GGA2: variants seen among roughly 807,000 people sequenced by gnomAD.
The protein encoded by GGA2 is ADP-ribosylation factor-binding protein GGA2.
A neutral mutation model predicts 79.5 loss-of-function variants in GGA2; 48 were observed. That is an observed-to-expected ratio of 0.60 (90% CI 0.48 to 0.77). The LOEUF (loss-of-function observed/expected upper bound fraction) is 0.77. Among genes scored for constraint, GGA2 ranks in the 30% least tolerant of loss-of-function variants. The pLI, the probability that GGA2 is intolerant of heterozygous loss-of-function variation, is 0.00. For synonymous variants in GGA2, 317 were observed against 302.0 expected, an observed-to-expected ratio of 1.05 and a Z score of -0.51; for missense variants, 770 against 774.0, an observed-to-expected ratio of 0.99 and a Z score of 0.06.
In GGA2 at chr16:23,465,669, G is replaced by A. The variant is rs1596971296; in HGVS notation, c.*1921C>T. On this transcript the variant is annotated 3_prime_UTR_variant, in exon 17 of 17. Transcript: ENST00000309859. ...TAAAAGCTACACAGAGGCCGGGTGC[G>A]GTGGCTCACGCCTGTAATCCCAGCA... is the stretch of plus-strand genomic sequence containing the variant. The A allele has an allele frequency of 4.6e-6, 2 of 437,934 alleles. No homozygotes were observed. The highest frequency in any genetic ancestry group is 3.9e-5 in the Admixed American group (1 of 25,470). 27.1% of individuals were successfully genotyped at this position (437,934 alleles called of 1,614,324 possible).
chr16:23,478,926 T>C lies in GGA2; in HGVS notation c.1130-15A>G. On this transcript the variant is annotated splice_polypyrimidine_tract_variant and intron_variant, in intron 11 of 16. Transcript: ENST00000309859. ...ATCACTGATTCCTGTAAGAAAGGAG[T>C]AGAGTGAGATGCCTAACAGTAACTC... 1 of 1,579,042 alleles carries C rather than the reference T, an allele frequency of 6.3e-7. No individual in the cohort carries two copies. The highest frequency in any genetic ancestry group is 1.7e-5 in the Admixed American group (1 of 59,954).
intron 1 of GGA2, among the ~76,000 whole-genome samples, chr16:23,509,760 G>GCA (rs369898885): frequency 1.6e-4 from 23 of 145,918 alleles, no homozygotes; most frequent in African/African-American, 2.8e-4. Context: ...ATATATATAC[G>GCA]CACACACACA....
chr16:23,491,305 T>TTA (rs1964782506), intron 5 of GGA2, among the ~76,000 whole-genome samples: 1 of 37,098 alleles, frequency 2.7e-5, no homozygotes, highest in Non-Finnish European at 6.6e-5. Flanking sequence ...ACACCTTGTC[T>TTA]CAAAAAAAAA....
chr16:23,485,339 G>A (rs747780261), intron 8 of GGA2, among the ~76,000 whole-genome samples: 2 of 152,146 alleles, frequency 1.3e-5, no homozygotes, highest in Non-Finnish European at 2.9e-5. Flanking sequence ...TTTATGGTAT[G>A]TTAATTATCT....
chr16:23,491,950 G>A (rs557384584), intron 4 of GGA2, 150 bp from the exon 5 acceptor site: 154 of 554,018 alleles, frequency 2.8e-4, no homozygotes, highest in Non-Finnish European at 2.2e-4. Context: ...ACCATCTGGC[G>A]CCCAGCCCCG....
chr16:23,470,238 G>C, intron 14 of GGA2, 73 bp from the exon 15 acceptor site: 2 of 1,170,044 alleles, frequency 1.7e-6, no homozygotes, highest in South Asian at 3.3e-5. Flanking sequence ...GGAAAGAGAT[G>C]TACATGTTAT....
At chr16:23,508,604 C>T (rs1478749539) in intron 1 of GGA2, among the ~76,000 whole-genome samples, 1 of 152,160 alleles carries the variant, frequency 6.6e-6, no homozygotes, top group Non-Finnish European at 1.5e-5. Context: ...CCTGTTTCTG[C>T]TCAGCCTTCA....
intron 1 of GGA2, among the ~76,000 whole-genome samples, chr16:23,508,504 C>T (rs1965000449): frequency 6.6e-6 from 1 of 152,142 alleles, no homozygotes; most frequent in Admixed American, 6.6e-5. Flanking sequence ...CTTCTCCTTC[C>T]TCATTCTCCT....
intron 1 of GGA2, among the ~76,000 whole-genome samples, chr16:23,507,608 A>G (rs1647453379): frequency 6.6e-6 from 1 of 151,638 alleles, no homozygotes; most frequent in Non-Finnish European, 1.5e-5. Flanking sequence ...AGCCTGGACA[A>G]GAATGAAACT....
intron 16 of GGA2, 57 bp from the exon 17 acceptor site, chr16:23,467,757 G>A (rs1182254236): frequency 1.2e-6 from 1 of 844,784 alleles, no homozygotes; most frequent in Admixed American, 1.7e-5. Context: ...AGGAACAGGG[G>A]TCAATGTTAA....
chr16:23,486,760 G>A lies in GGA2; in HGVS notation c.610C>T (p.Pro204Ser). Residue 204 changes from proline to serine, a missense_variant, in exon 7 of 17, where the codon CCC becomes TCC. Transcript: ENST00000309859. ...CGGTTTGCAGCCTGAAGGTCCTCGG[G>A]GTGGTTGCTCTTTAGAAGCCTTGTC... is the stretch of plus-strand genomic sequence containing the variant. ...LLTRLLKSNHPEDLQAANRLI... is the reference protein window; with the variant it reads ...LLTRLLKSNHSEDLQAANRLI... The A allele has an allele frequency of 6.2e-7, 1 of 1,612,190 alleles. No individual in the cohort carries two copies. The highest frequency in any genetic ancestry group is 8.5e-7 in the Non-Finnish European group (1 of 1,178,218).
chr16:23,485,715 G>C (rs1257551804), intron 8 of GGA2, among the ~76,000 whole-genome samples: 2 of 152,180 alleles, frequency 1.3e-5, no homozygotes, highest in Non-Finnish European at 2.9e-5. Context: ...AACGTGAATG[G>C]ATCTCGAGTG....
Position 23,465,624 on chromosome 16 carries a change from C to A in GGA2, c.*1966G>T. 1.7e-6 allele frequency: 1 copy of A among 572,918 alleles called. No homozygotes were observed. The highest frequency in any genetic ancestry group is 3.1e-6 in the Non-Finnish European group (1 of 321,326). 35.5% of individuals were successfully genotyped at this position (572,918 alleles called of 1,614,324 possible). ...TATGATGGGTACCTCTTCAAGACTACGCAACAGTAACAGAGCCTATAAAAG... is the reference window on the plus strand; with the variant it reads ...TATGATGGGTACCTCTTCAAGACTAAGCAACAGTAACAGAGCCTATAAAAG... On this transcript the variant is annotated 3_prime_UTR_variant, in exon 17 of 17. Transcript: ENST00000309859.
rs531344118 is a variant in GGA2 at position 23,484,992 on chromosome 16, A to G, written c.798+1023T>C. Among the ~76,000 whole-genome samples the G allele has an allele frequency of 2.0e-5, 3 of 152,370 alleles. No homozygotes were observed. In the South Asian group the frequency reaches 6.2e-4, roughly 32 times the overall value. On this transcript the variant is annotated intron_variant, in intron 8 of 16. Transcript: ENST00000309859. The stretch of plus-strand genomic sequence containing the variant: ...AAAAGTAGGAACAACCCAAATGCCC[A>G]TCAGCTGATAAATGGAGAAACAAAC...
chr16:23,467,541 A>G lies in GGA2; in HGVS notation c.*49T>C, dbSNP rs770264422. The G allele has an allele frequency of 1.1e-6, 1 of 944,040 alleles. No individual in the cohort carries two copies. Among genetic ancestry groups the G allele is most frequent in the Non-Finnish European group, 1.7e-6 (1 of 579,852 alleles). The allele number at this position is 944,040 out of a possible 1,614,324, so 58.5% of individuals were successfully genotyped here. A position where few individuals can be genotyped will look rare whatever the true frequency, so the allele number is the denominator to read the frequency against. On this transcript the variant is annotated 3_prime_UTR_variant, in exon 17 of 17. Coordinates refer to ENST00000309859, the MANE Select transcript of GGA2 (RefSeq NM_015044.4). ...CGTGATTAGTCCTGACTAGACAGCA[A>G]AAGTAACGCCAGCCTAAGCTTGAAA...
At chr16:23,497,130 C>A (rs948817981) in intron 1 of GGA2, among the ~76,000 whole-genome samples, 9 of 151,744 alleles carry the variant, frequency 5.9e-5, no homozygotes, top group African/African-American at 2.2e-4. Context: ...AAACAACCAC[C>A]CTTCCAACTC....
intron 14 of GGA2, 46 bp downstream of exon 14, chr16:23,474,858 T>C: frequency 2.1e-6 from 3 of 1,405,026 alleles, no homozygotes; most frequent in Non-Finnish European, 3.0e-6. Flanking sequence ...GTCTAATAGA[T>C]TCCCAGGGAA....
At chr16:23,484,934 T>C (rs181956282) in intron 8 of GGA2, among the ~76,000 whole-genome samples, 1 of 152,336 alleles carries the variant, frequency 6.6e-6, no homozygotes, top group Admixed American at 6.5e-5. Context: ...TTATTCGTAA[T>C]GAATAATTCA....
chr16:23,490,054 T>C (rs1334267396), intron 5 of GGA2, among the ~76,000 whole-genome samples: 1 of 152,110 alleles, frequency 6.6e-6, no homozygotes, highest in Non-Finnish European at 1.5e-5. Context: ...CGCCACCCTA[T>C]CCCTCTGACA....
Sources: allele counts gnomAD v4.1 joint callset (sites outside exome capture counted in the v4.1 genomes callset), GRCh38; gene constraint gnomAD v4.1.1; transcripts MANE v1.5; gene names NCBI Gene and HGNC (gene_info 2026-07-23, HGNC 2026-07-21).